CHGB: variants seen among roughly 807,000 people sequenced by gnomAD.
CHGB encodes secretogranin-1.
In CHGB, 46 loss-of-function variants were observed where a neutral mutation model predicts 69.9. The ratio of observed to expected loss-of-function variants is 0.66; its 90% CI spans 0.52 to 0.84. The LOEUF (loss-of-function observed/expected upper bound fraction) is 0.84, where lower values mean the gene tolerates loss of function less well. Ranked by LOEUF, CHGB falls within the 40% of genes least tolerant of loss-of-function variation. The pLI, the probability that CHGB is intolerant of heterozygous loss-of-function variation, is 0.00. For synonymous variants in CHGB, 312 were observed against 298.2 expected (o/e 1.05, Z -0.48); for missense variants, 796 against 822.2 (o/e 0.97, Z 0.39).
rs1373180288 is a variant in CHGB, at chr20:5,911,685, G to C, written c.49+3G>C. On this transcript the variant is annotated splice_donor_region_variant and intron_variant, in intron 1 of 4. Transcript: ENST00000378961. Reference sequence around the variant, plus strand: ...CCTGGGAGCCGTGGGGCTGGCGGGTGAGTGGGCGCGGCGGGCCGGTCAGCA... The same window carrying C: ...CCTGGGAGCCGTGGGGCTGGCGGGTCAGTGGGCGCGGCGGGCCGGTCAGCA... 4 of 1,463,456 alleles carry C rather than the reference G, an allele frequency of 2.7e-6. No individual in the cohort carries two copies. In the Admixed American group the frequency reaches 9.9e-5, roughly 36 times the overall value. 90.7% of individuals were successfully genotyped at this position (1,463,456 alleles called of 1,614,324 possible).
chr20:5,918,148 T>TAAAAAAAA (rs10647882), intron 3 of CHGB, among the ~76,000 whole-genome samples: 1 of 86,074 alleles, frequency 1.2e-5, no homozygotes, highest in Non-Finnish European at 2.1e-5. Flanking sequence ...AGACTCCATC[T>TAAAAAAAA]AAAAAAAAAA....
Position 5,923,078 on chromosome 20 carries a change from G to A in CHGB, c.934G>A (p.Glu312Lys). The change falls in exon 4 of 5, where the codon GAG becomes AAG. Residue 312 changes from glutamate (E) to lysine (K), a missense_variant. Glu to Lys is a moderately conservative substitution (Grantham distance 56, BLOSUM62 1). Coordinates refer to ENST00000378961, the MANE Select transcript of CHGB (RefSeq NM_001819.3). Reference protein sequence around the residue: ...EEKGHPQEESEESNVSMASLG... With the variant: ...EEKGHPQEESKESNVSMASLG... ...AAAGGGACACCCCCAGGAGGAATCT[G>A]AGGAGTCAAACGTCAGCATGGCCAG... is the stretch of plus-strand genomic sequence containing the variant. The A allele has an allele frequency of 6.2e-7, 1 of 1,614,132 alleles. No individual in the cohort carries two copies. The highest frequency in any genetic ancestry group is 8.5e-7 in the Non-Finnish European group (1 of 1,180,022).
At position 5,923,891 on chromosome 20, in the gene CHGB, G is replaced by C. The variant is rs953651763; in HGVS notation, c.1747G>C (p.Gly583Arg). 3.7e-5 allele frequency: 59 copies of C among 1,614,082 alleles called. No homozygotes were observed. The highest frequency in any genetic ancestry group is 4.4e-5 in the Non-Finnish European group (52 of 1,180,046). Residue 583 changes from glycine (G) to arginine (R), a missense_variant, in exon 4 of 5, where the codon GGG (glycine) becomes CGG (arginine). Physicochemically the swap from Gly to Arg is moderately radical, Grantham distance 125. This residue lies in a region of CHGB where 274 missense variants were observed against 298.9 expected (regional missense o/e 0.92). Transcript: ENST00000378961. ...KKPFSEDVNW[G>R]YEKRNLARVP... is the part of the protein sequence containing the mutation. ...GCCCTTCTCTGAGGATGTGAACTGG[G>C]GGTATGAGAAGAGAAACCTCGCCAG...
At chr20:5,921,733 A>T (rs565220349) in intron 3 of CHGB, among the ~76,000 whole-genome samples, 32 of 152,330 alleles carry the variant, frequency 2.1e-4, no homozygotes, top group Admixed American at 3.9e-4. Context: ...CCAGCTACTA[A>T]GTTATATATC....
chr20:5,922,928 G>A lies in CHGB; in HGVS notation c.784G>A (p.Glu262Lys). Residue 262 changes from glutamate (E) to lysine (K), a missense_variant, in exon 4 of 5, where the codon GAA becomes AAA. Glu to Lys is a moderately conservative substitution (Grantham distance 56). This residue lies in a region of CHGB where 518 missense variants were observed against 506.3 expected (regional missense o/e 1.02). Coordinates refer to ENST00000378961, the MANE Select transcript of CHGB (RefSeq NM_001819.3). ...ESKGQPRSQE[E>K]SEEGEEDATS... ...TAAAGGCCAACCCCGAAGCCAGGAAGAATCTGAGGAAGGTGAGGAAGATGC... is the reference window on the plus strand; with the variant it reads ...TAAAGGCCAACCCCGAAGCCAGGAAAAATCTGAGGAAGGTGAGGAAGATGC... 3.7e-6 allele frequency: 6 copies of A among 1,612,884 alleles called. No individual in the cohort carries two copies. Among genetic ancestry groups the A allele is most frequent in the Non-Finnish European group, 5.1e-6 (6 of 1,179,438 alleles).
chr20:5,912,702 G>C (rs994449269), intron 1 of CHGB, among the ~76,000 whole-genome samples: 1 of 151,970 alleles, frequency 6.6e-6, no homozygotes, highest in African/African-American at 2.4e-5. Flanking sequence ...TGAGACTATT[G>C]AGAAGTAAGT....
chr20:5,911,696 G>C lies in CHGB; in HGVS notation c.49+14G>C. On this transcript the variant is annotated intron_variant, in intron 1 of 4. Coordinates refer to ENST00000378961, the MANE Select transcript of CHGB (RefSeq NM_001819.3). ...TGGGGCTGGCGGGTGAGTGGGCGCG[G>C]CGGGCCGGTCAGCACCGCGGACAGC... is the stretch of plus-strand genomic sequence containing the variant. The C allele has an allele frequency of 6.9e-7, 1 of 1,451,738 alleles. No individual in the cohort carries two copies. The highest frequency in any genetic ancestry group is 9.0e-7 in the Non-Finnish European group (1 of 1,108,188). 89.9% of individuals were successfully genotyped at this position (1,451,738 alleles called of 1,614,324 possible).
chr20:5,911,592 G>A lies in CHGB; in HGVS notation c.-42G>A. ...TCCTGCGCCTCGCTTCTCCGGTCCA[G>A]CCGCCATCTTCCTTTCCGCACAGGG... On this transcript the variant is annotated 5_prime_UTR_variant, in exon 1 of 5. Transcript: ENST00000378961. The A allele has an allele frequency of 6.6e-7, 1 of 1,517,764 alleles. No homozygotes were observed. Among genetic ancestry groups the A allele is most frequent in the Non-Finnish European group, 8.8e-7 (1 of 1,138,246 alleles). 94.0% of individuals were successfully genotyped at this position (1,517,764 alleles called of 1,614,324 possible).
At chr20:5,924,151 A>G in intron 4 of CHGB, 51 bp downstream of exon 4, 1 of 1,502,174 alleles carries the variant, frequency 6.7e-7, no homozygotes, top group African/African-American at 1.4e-5. Flanking sequence ...CAATGTTAGC[A>G]CATTATGTTC....
At position 5,922,940 on chromosome 20, in the gene CHGB, G is replaced by A; in HGVS notation, c.796G>A (p.Gly266Ser). The change falls in exon 4 of 5, where the codon GGT becomes AGT. Residue 266 changes from glycine (G) to serine (S), a missense_variant. Gly to Ser is a moderately conservative substitution (Grantham distance 56). Coordinates refer to ENST00000378961, the MANE Select transcript of CHGB (RefSeq NM_001819.3). ...QPRSQEESEE[G>S]EEDATSEVDK... ...CCGAAGCCAGGAAGAATCTGAGGAA[G>A]GTGAGGAAGATGCCACCTCTGAGGT... 3.1e-6 allele frequency: 5 copies of A among 1,612,198 alleles called. No homozygotes were observed. Among genetic ancestry groups the A allele is most frequent in the Non-Finnish European group, 4.2e-6 (5 of 1,179,122 alleles).
Position 5,911,530 on chromosome 20 carries a change from C to A in CHGB, c.-104C>A. On this transcript the variant is annotated 5_prime_UTR_variant, in exon 1 of 5. Coordinates refer to ENST00000378961, the MANE Select transcript of CHGB (RefSeq NM_001819.3). ...GCGCCACACCGCGGGGACCAGGAGG[C>A]ACGCTGGTTTTCCGGGGCCGCTCCA... 1 of 1,246,264 alleles carries A rather than the reference C, an allele frequency of 8.0e-7. No homozygotes were observed. The highest frequency in any genetic ancestry group is 1.3e-5 in the South Asian group (1 of 75,544). 77.2% of individuals were successfully genotyped at this position (1,246,264 alleles called of 1,614,324 possible). A position where few individuals can be genotyped will look rare whatever the true frequency, so the allele number is the denominator to read the frequency against.
chr20:5,923,090 G>A lies in CHGB; in HGVS notation c.946G>A (p.Val316Ile), dbSNP rs749077565. 1.8e-5 allele frequency: 29 copies of A among 1,614,124 alleles called. No homozygotes were observed. In the South Asian group the frequency reaches 2.9e-4, roughly 16 times the overall value. Residue 316 changes from valine (V) to isoleucine (I), a missense_variant, in exon 4 of 5, where the codon GTC (valine) becomes ATC (isoleucine). Physicochemically the swap from Val to Ile is conservative, Grantham distance 29 (BLOSUM62 3). Coordinates refer to ENST00000378961, the MANE Select transcript of CHGB (RefSeq NM_001819.3). Reference protein sequence around the residue: ...HPQEESEESNVSMASLGEKRD... With the variant: ...HPQEESEESNISMASLGEKRD... ...CCAGGAGGAATCTGAGGAGTCAAAC[G>A]TCAGCATGGCCAGTTTAGGGGAAAA...
At chr20:5,915,376 A>G (rs890098015) in intron 1 of CHGB, 8 of 152,214 alleles carry the variant, frequency 5.3e-5, no homozygotes, top group African/African-American at 1.9e-4. Flanking sequence ...TTATAAACCA[A>G]TGGTTAAACA....
intron 3 of CHGB, among the ~76,000 whole-genome samples, chr20:5,918,160 A>AAAC (rs2088489634): frequency 1.3e-5 from 2 of 148,698 alleles, no homozygotes; most frequent in Admixed American, 1.3e-4. Flanking sequence ...AAAAAAAAAA[A>AAAC]AAAAAAAAAA....
At chr20:5,921,004 T>C (rs1206003089) in intron 3 of CHGB, among the ~76,000 whole-genome samples, 1 of 152,178 alleles carries the variant, frequency 6.6e-6, no homozygotes, top group Non-Finnish European at 1.5e-5. Flanking sequence ...TGCCACCCAA[T>C]AGAAATATAA....
At chr20:5,918,022 C>A (rs1031081709) in intron 3 of CHGB, 2 of 151,130 alleles carry the variant, frequency 1.3e-5, no homozygotes, top group East Asian at 1.9e-4. Flanking sequence ...GTGGCAGGCA[C>A]CTGTAATCCC....
chr20:5,922,114 G>T (rs1217778647), intron 3 of CHGB, among the ~76,000 whole-genome samples: 4 of 152,196 alleles, frequency 2.6e-5, no homozygotes, highest in Non-Finnish European at 4.4e-5. Flanking sequence ...TGGGCATTAT[G>T]AAGACATAAA....
Position 5,923,044 on chromosome 20 carries a change from C to T in CHGB, c.900C>T (p.Pro300=). 6.2e-7 allele frequency: 1 copy of T among 1,613,774 alleles called. No individual in the cohort carries two copies. The highest frequency in any genetic ancestry group is 1.3e-5 in the African/African-American group (1 of 74,954). Residue 300 remains proline, a synonymous_variant, in exon 4 of 5, where the codon CCC becomes CCT. Coordinates refer to ENST00000378961, the MANE Select transcript of CHGB (RefSeq NM_001819.3). ...PDRSSQGGSL[P]SEEKGHPQEE... ...GGTCCTCTCAAGGAGGGAGTCTTCC[C>T]TCTGAGGAAAAGGGACACCCCCAGG...
intron 3 of CHGB, among the ~76,000 whole-genome samples, chr20:5,919,642 A>C (rs2088502093): frequency 2.0e-5 from 3 of 152,242 alleles, no homozygotes; most frequent in Non-Finnish European, 4.4e-5. Context: ...CTCTGAATTC[A>C]GATGTACTAA....
Sources: allele counts gnomAD v4.1 joint callset (sites outside exome capture counted in the v4.1 genomes callset), GRCh38; gene constraint gnomAD v4.1.1; regional missense constraint gnomAD v4.1.1; transcripts MANE v1.5; gene names NCBI Gene and HGNC (gene_info 2026-07-23, HGNC 2026-07-21).